The following LRRC4B variants were observed in gnomAD, a reference collection of about 807,000 sequenced individuals.
LRRC4B encodes the protein leucine-rich repeat-containing protein 4B.
LRRC4B carries 1 observed loss-of-function variant against 7.3 expected under a neutral mutation model. The observed-to-expected ratio is 0.14, with a 90% CI of 0.05 to 0.65. The LOEUF (loss-of-function observed/expected upper bound fraction) is 0.65, where lower values mean the gene tolerates loss of function less well. Ranked by LOEUF, LRRC4B falls within the 30% of genes least tolerant of loss-of-function variation. The pLI, the probability that LRRC4B is intolerant of heterozygous loss-of-function variation, is 0.84. For synonymous variants in LRRC4B, 500 were observed against 499.2 expected (o/e 1.00, Z -0.02); for missense variants, 730 against 1,041.6 (o/e 0.70, Z 4.12).
intron 2 of LRRC4B, among the ~76,000 whole-genome samples, chr19:50,540,958 CG>C (rs1981512099): frequency 6.6e-6 from 1 of 151,258 alleles, no homozygotes; most frequent in African/African-American, 2.4e-5. Context: ...CCAAAGCAGG[CG>C]GATCATGAGG....
At chr19:50,522,888 T>C (rs2122779465) in intron 2 of LRRC4B, among the ~76,000 whole-genome samples, 1 of 152,374 alleles carries the variant, frequency 6.6e-6, no homozygotes, top group East Asian at 1.9e-4. Flanking sequence ...TACTATCTAT[T>C]ACTATGTTTC....
intron 1 of LRRC4B, among the ~76,000 whole-genome samples, chr19:50,558,885 T>C (rs8101005): frequency 0.7 from 105,724 of 152,068 alleles, 37,390 homozygotes; most frequent in African/African-American, 0.73. Flanking sequence ...AGATCACAGC[T>C]GGAGAAATGG....
intron 2 of LRRC4B, among the ~76,000 whole-genome samples, chr19:50,523,406 G>C (rs1189549172): frequency 6.6e-6 from 1 of 152,174 alleles, no homozygotes; most frequent in Non-Finnish European, 1.5e-5. Flanking sequence ...GGCCGGGCGT[G>C]GTGGCTCACA....
chr19:50,528,541 C>T (rs1403740386), intron 2 of LRRC4B, among the ~76,000 whole-genome samples: 1 of 152,134 alleles, frequency 6.6e-6, no homozygotes, highest in Non-Finnish European at 1.5e-5. Flanking sequence ...GACAGCATTT[C>T]GCCATGCTAG....
chr19:50,535,686 T>C (rs926714140), intron 2 of LRRC4B, among the ~76,000 whole-genome samples: 1 of 152,208 alleles, frequency 6.6e-6, no homozygotes, highest in South Asian at 2.1e-4. Context: ...ATGCCATGAC[T>C]GGCAGCACTG....
At chr19:50,544,314 G>A (rs931977639) in intron 2 of LRRC4B, among the ~76,000 whole-genome samples, 6 of 151,762 alleles carry the variant, frequency 4.0e-5, no homozygotes, top group Admixed American at 2.6e-4. Context: ...AGACCATCCT[G>A]GCTAACACAG....
In LRRC4B at chr19:50,517,809, GCGGCGGCCA is replaced by G. The variant is rs755715897; in HGVS notation, c.1895_1903del (p.Val632_Ala634del). 1.2e-5 allele frequency: 18 copies of G among 1,551,980 alleles called. No homozygotes were observed. Among genetic ancestry groups the G allele is most frequent in the East Asian group, 2.3e-5 (1 of 43,236 alleles). ...ACCACCCCCACTGGCCACGGCGGCC[GCGGCGGCCA>G]CGGACACGGCCGAGGCGGCGGGCAG... is the stretch of plus-strand genomic sequence containing the variant. On this transcript the variant is annotated inframe_deletion, in exon 3 of 3. Transcript: ENST00000652263. This position sits in a 1 kb window ranked among gnomAD's most constrained non-coding sequence, Gnocchi z 6.6.
chr19:50,564,295 T>C (rs1325910022), intron 1 of LRRC4B, among the ~76,000 whole-genome samples: 1 of 151,890 alleles, frequency 6.6e-6, no homozygotes, highest in Admixed American at 6.6e-5. Context: ...TTGAAAGCAC[T>C]GGGGGAAAAT....
chr19:50,560,067 G>A (rs1040279398), intron 1 of LRRC4B, among the ~76,000 whole-genome samples: 5 of 152,058 alleles, frequency 3.3e-5, no homozygotes, highest in Middle Eastern at 3.2e-3. Context: ...CCTGGGAGGC[G>A]GAGGTTGCAG....
intron 1 of LRRC4B, chr19:50,558,040 A>G (rs1283752088): frequency 1.3e-5 from 2 of 152,158 alleles, no homozygotes; most frequent in African/African-American, 4.8e-5. Flanking sequence ...TTTAACATGA[A>G]TGTGTTAACT....
In LRRC4B at chr19:50,556,859, G is replaced by T. The variant is rs1401540033; in HGVS notation, c.-35-7986C>A. On this transcript the variant is annotated intron_variant, in intron 1 of 2. Coordinates refer to ENST00000652263, the MANE Select transcript of LRRC4B (RefSeq NM_001080457.2). The surrounding 1 kb of genome is among the most constrained non-coding windows in gnomAD (Gnocchi z 4.2). Reference sequence around the variant, plus strand: ...AGCCGTCCGAGGGCTAAGTGAGAGGGCGGGCACAGGGTGGGCCCCGGAACG... The same window carrying T: ...AGCCGTCCGAGGGCTAAGTGAGAGGTCGGGCACAGGGTGGGCCCCGGAACG... Among the ~76,000 whole-genome samples, 2 of 152,058 alleles carry T rather than the reference G, an allele frequency of 1.3e-5. No individual in the cohort carries two copies. Among genetic ancestry groups the T allele is most frequent in the African/African-American group, 4.8e-5 (2 of 41,394 alleles).
At position 50,518,947 on chromosome 19, in the gene LRRC4B, G is replaced by T. The variant is rs748473705; in HGVS notation, c.766C>A (p.Arg256Ser). 6.2e-7 allele frequency: 1 copy of T among 1,613,898 alleles called. No homozygotes were observed. The highest frequency in any genetic ancestry group is 1.1e-5 in the South Asian group (1 of 91,082). The change falls in exon 3 of 3, where the codon CGC becomes AGC. Residue 256 changes from arginine to serine, a missense_variant. Arg to Ser is a moderately radical substitution (Grantham distance 110). Around this residue, in one of 6 missense-constraint regions of LRRC4B, gnomAD observed 226 missense variants for 448.0 expected, o/e 0.50. Coordinates refer to ENST00000652263, the MANE Select transcript of LRRC4B (RefSeq NM_001080457.2). ...PGSFQGLTSL[R>S]KLWLMHAQVA... The stretch of plus-strand genomic sequence containing the variant: ...TGGGCGTGCATGAGCCACAGCTTGC[G>T]CAGGCTGGTGAGACCCTGGAAGGAG...
chr19:50,567,407 ACTCCCCGGTT>A (rs1327151342), intron 1 of LRRC4B, among the ~76,000 whole-genome samples: 3 of 150,640 alleles, frequency 2.0e-5, no homozygotes, highest in African/African-American at 7.4e-5. Context: ...CACTTCCCAA[ACTCCCCGGTT>A]CTCCCCGGTT....
chr19:50,530,365 C>T (rs76852493), intron 2 of LRRC4B, among the ~76,000 whole-genome samples: 1 of 152,224 alleles, frequency 6.6e-6, no homozygotes, highest in Non-Finnish European at 1.5e-5. Context: ...GCAGCCCTCA[C>T]TCGGATACAC....
At chr19:50,552,845 T>C (rs1982148607) in intron 1 of LRRC4B, among the ~76,000 whole-genome samples, 1 of 152,212 alleles carries the variant, frequency 6.6e-6, no homozygotes. Flanking sequence ...TGCTATGTGC[T>C]AGACACTAGC....
intron 1 of LRRC4B, among the ~76,000 whole-genome samples, chr19:50,559,302 C>T (rs906558333): frequency 2.6e-5 from 4 of 152,040 alleles, no homozygotes; most frequent in East Asian, 1.9e-4. Flanking sequence ...TGCCTGGTGG[C>T]GGGCGTCCAT....
chr19:50,522,455 A>ATTT (rs1377052135), intron 2 of LRRC4B, among the ~76,000 whole-genome samples: 19 of 121,442 alleles, frequency 1.6e-4, no homozygotes, highest in African/African-American at 5.0e-4. Context: ...AAGCTATTTT[A>ATTT]TTTATTATTT....
At chr19:50,528,683 C>T (rs984137129) in intron 2 of LRRC4B, among the ~76,000 whole-genome samples, 1 of 152,170 alleles carries the variant, frequency 6.6e-6, no homozygotes. Context: ...GTCTAACTTC[C>T]CAGAGTGAAC....
chr19:50,542,177 AG>A (rs1363119012), intron 2 of LRRC4B, among the ~76,000 whole-genome samples: 11 of 152,196 alleles, frequency 7.2e-5, no homozygotes, highest in Non-Finnish European at 8.8e-5. Context: ...TGAGGATAAA[AG>A]GGAGGGAAGG....
Sources: allele counts gnomAD v4.1 joint callset (sites outside exome capture counted in the v4.1 genomes callset), GRCh38; gene constraint gnomAD v4.1.1; regional missense constraint gnomAD v4.1.1; non-coding constraint Gnocchi (gnomAD v3.1); transcripts MANE v1.5; gene names NCBI Gene and HGNC (gene_info 2026-07-23, HGNC 2026-07-21).